Variants in RPL3L observed in about 807,000 individuals in gnomAD.
RPL3L encodes ribosomal protein uL3-like.
RPL3L carries 44 observed loss-of-function variants against 44.5 expected under a neutral mutation model. The observed-to-expected ratio is 0.99, with a 90% CI of 0.78 to 1.27. The LOEUF is 1.27. RPL3L is among the 50% of genes most tolerant of loss of function. RPL3L has a pLI of 0.00. For missense variants in RPL3L, 631 were observed against 569.1 expected, an observed-to-expected ratio of 1.11 and a Z score of -1.11; for synonymous variants, 292 against 230.7, an observed-to-expected ratio of 1.27 and a Z score of -2.41.
At chr16:1,952,826 C>G (rs759754016) in intron 3 of RPL3L, 48 bp downstream of exon 3, 1 of 1,604,346 alleles carries the variant, frequency 6.2e-7, no homozygotes, top group Non-Finnish European at 8.5e-7. Context: ...CACCCAACTT[C>G]TGTGGTCCCA....
At position 1,947,096 on chromosome 16, in the gene RPL3L, C is replaced by T. The variant is rs1157241329; in HGVS notation, c.691G>A (p.Val231Ile). ...AVTKGRGVKG[V>I]TSRWHTKKLP... ...TTCTTGGTATGCCAGCGGCTTGTGA[C>T]CCCTGTGAGTGAGAGGGGCTGGTGG... Residue 231 changes from valine (V) to isoleucine (I), a missense_variant and splice_region_variant, in exon 6 of 10, where the codon GTC becomes ATC. Val to Ile is a conservative substitution (Grantham distance 29). Coordinates refer to ENST00000268661, the MANE Select transcript of RPL3L (RefSeq NM_005061.3). 1.2e-6 allele frequency: 2 copies of T among 1,613,530 alleles called. No homozygotes were observed.
At chr16:1,951,097 C>T in intron 3 of RPL3L, 118 bp from the exon 4 acceptor site, 1 of 1,386,840 alleles carries the variant, frequency 7.2e-7, no homozygotes, top group South Asian at 1.4e-5. Context: ...GGGACCGCCC[C>T]CCACCCGGAG....
At chr16:1,948,142 T>C (rs981295607) in intron 4 of RPL3L, among the ~76,000 whole-genome samples, 1 of 151,936 alleles carries the variant, frequency 6.6e-6, no homozygotes, top group African/African-American at 2.4e-5. Context: ...TTTCACTGTG[T>C]TGGCCCGGAT....
In RPL3L at chr16:1,945,945, G is replaced by A; in HGVS notation, c.952-15C>T. On this transcript the variant is annotated splice_polypyrimidine_tract_variant and intron_variant, in intron 7 of 9. Transcript: ENST00000268661. ...GGGAAGCCACCCTGCAGAGGACACA[G>A]GTCAGAGGCCAGGCCCGGAAAGGGC... The A allele has an allele frequency of 4.4e-6, 7 of 1,597,964 alleles. No homozygotes were observed. Among genetic ancestry groups the A allele is most frequent in the Non-Finnish European group, 6.0e-6 (7 of 1,171,150 alleles).
rs759126428 is a variant in RPL3L, at chr16:1,944,855, C to T, written c.1206G>A (p.Glu402=). Residue 402 remains glutamate (E), a synonymous_variant, in exon 10 of 10, where the codon GAG becomes GAA. Transcript: ENST00000268661. ...QKKHLEKETP[E]TSGDL is the part of the protein sequence containing the mutation. ...ACACAGCCTACAAGTCTCCCGAGGT[C>T]TCCGGCGTTTCCTTCTCCAGATGCT... The T allele has an allele frequency of 2.5e-6, 4 of 1,614,088 alleles. No homozygotes were observed. The South Asian group carries it at 4.4e-5, about 18-fold the overall frequency.
intron 2 of RPL3L, 148 bp from the exon 3 acceptor site, chr16:1,953,190 G>A (rs1035333822): frequency 9.4e-6 from 7 of 741,436 alleles, no homozygotes; most frequent in South Asian, 2.0e-5. Flanking sequence ...GAGCCCAAAT[G>A]AGCATTTGTT....
chr16:1,952,651 C>G (rs1306212861), intron 3 of RPL3L, among the ~76,000 whole-genome samples: 8 of 152,212 alleles, frequency 5.3e-5, no homozygotes, highest in Admixed American at 5.2e-4. Flanking sequence ...GCTGGGATTA[C>G]AGGCGTGAGC....
In RPL3L at chr16:1,944,766, C is replaced by T. The variant is rs376711712; in HGVS notation, c.*71G>A. On this transcript the variant is annotated 3_prime_UTR_variant, in exon 10 of 10. Transcript: ENST00000268661. ...CGCTCTGAGACCTCGCAGGAAGAGT[C>T]GCCTCCGGCCTTTGTTAGACATTGG... The T allele has an allele frequency of 8.9e-5, 142 of 1,602,166 alleles. 1 individual carries two copies. In the African/African-American group the frequency reaches 1.3e-3, roughly 15 times the overall value.
chr16:1,950,761 T>G, intron 4 of RPL3L, 83 bp downstream of exon 4: 3 of 1,602,336 alleles, frequency 1.9e-6, no homozygotes, highest in Non-Finnish European at 8.5e-7. Flanking sequence ...ATTTTTAGGC[T>G]GACATTTGCC....
At chr16:1,946,812 C>G in intron 6 of RPL3L, 86 bp from the exon 7 acceptor site, 2 of 1,581,000 alleles carry the variant, frequency 1.3e-6, no homozygotes. Flanking sequence ...CATGCTCAGA[C>G]TCAGTGCTGG....
At chr16:1,945,370 T>TAAAAAAAAAAAAAAA (rs35978219) in intron 9 of RPL3L, 129 bp downstream of exon 9, 1 of 689,436 alleles carries the variant, frequency 1.5e-6, no homozygotes, top group Admixed American at 3.9e-5. Flanking sequence ...ATAAAATAAA[T>TAAAAAAAAAAAAAAA]AAAAAAAAAA....
In RPL3L at chr16:1,944,767, G is replaced by A. The variant is rs1170531641; in HGVS notation, c.*70C>T. ...GCTCTGAGACCTCGCAGGAAGAGTC[G>A]CCTCCGGCCTTTGTTAGACATTGGG... is the stretch of plus-strand genomic sequence containing the variant. On this transcript the variant is annotated 3_prime_UTR_variant, in exon 10 of 10. Coordinates refer to ENST00000268661, the MANE Select transcript of RPL3L (RefSeq NM_005061.3). 2.0e-5 allele frequency: 32 copies of A among 1,601,398 alleles called. No individual in the cohort carries two copies. Among genetic ancestry groups the A allele is most frequent in the African/African-American group, 8.0e-5 (6 of 74,626 alleles).
intron 4 of RPL3L, among the ~76,000 whole-genome samples, chr16:1,948,321 T>A (rs952413368): frequency 6.6e-6 from 1 of 151,900 alleles, no homozygotes; most frequent in Non-Finnish European, 1.5e-5. Context: ...CCTCCCTGAA[T>A]CAAGTGATTC....
chr16:1,947,104 A>G lies in RPL3L; in HGVS notation c.689-6T>C. ...ATGCCAGCGGCTTGTGACCCCTGTG[A>G]GTGAGAGGGGCTGGTGGCTGAGAGG... On this transcript the variant is annotated splice_polypyrimidine_tract_variant and splice_region_variant and intron_variant, in intron 5 of 9. Coordinates refer to ENST00000268661, the MANE Select transcript of RPL3L (RefSeq NM_005061.3). The G allele has an allele frequency of 1.2e-6, 2 of 1,613,342 alleles. No individual in the cohort carries two copies. Among genetic ancestry groups the G allele is most frequent in the Non-Finnish European group, 1.7e-6 (2 of 1,179,932 alleles).
At chr16:1,947,554 A>G (rs933808970) in intron 4 of RPL3L, among the ~76,000 whole-genome samples, 174 bp from the exon 5 acceptor site, 1 of 152,226 alleles carries the variant, frequency 6.6e-6, no homozygotes, top group Non-Finnish European at 1.5e-5. Flanking sequence ...TCCGGTGCAG[A>G]ATGAGGCAGA....
At chr16:1,947,729 A>G (rs2083134927) in intron 4 of RPL3L, among the ~76,000 whole-genome samples, 1 of 152,144 alleles carries the variant, frequency 6.6e-6, no homozygotes, top group South Asian at 2.1e-4. Context: ...GCTAACAAGT[A>G]GGAGCCACGA....
At chr16:1,952,129 AT>A (rs547211544) in intron 3 of RPL3L, among the ~76,000 whole-genome samples, 74 of 141,866 alleles carry the variant, frequency 5.2e-4, no homozygotes, top group African/African-American at 6.7e-4. Context: ...TTTTATTTTT[AT>A]TTTTTTTTTT....
rs1332927269 is a variant in RPL3L, at chr16:1,944,543, CAA to C, written c.*292_*293del. The C allele has an allele frequency of 0.023, 2,531 of 109,596 alleles. 3 individuals are homozygous for C. The highest frequency in any genetic ancestry group is 0.045 in the South Asian group (306 of 6,784). 6.8% of individuals were successfully genotyped at this position (109,596 alleles called of 1,614,324 possible). A position where few individuals can be genotyped will look rare whatever the true frequency, so the allele number is the denominator to read the frequency against. On this transcript the variant is annotated 3_prime_UTR_variant, in exon 10 of 10. Transcript: ENST00000268661. ...CTGGGCGACAAGATCAAGACTCTCT[CAA>C]AAAAAAAAAAAAAAAAAACCTCTGC... is the stretch of plus-strand genomic sequence containing the variant.
In RPL3L at chr16:1,949,244, G is replaced by GT. The variant is rs1425634978; in HGVS notation, c.501+1599dup. Among the ~76,000 whole-genome samples, 743 of 81,764 alleles carry GT rather than the reference G, an allele frequency of 9.1e-3. 2 individuals carry two copies. The highest frequency in any genetic ancestry group is 0.012 in the Non-Finnish European group (460 of 37,784). The allele number at this position is 81,764 out of a possible 152,430, so 53.6% of individuals were successfully genotyped here. A position where few individuals can be genotyped will look rare whatever the true frequency, so the allele number is the denominator to read the frequency against. Reference sequence around the variant, plus strand: ...GTGTAAGCCACTGGGCCTGATTTTTGTTTTTTTTTTTTTTCTTTTTTTTTT... The same window carrying GT: ...GTGTAAGCCACTGGGCCTGATTTTTGTTTTTTTTTTTTTTTCTTTTTTTTTT... On this transcript the variant is annotated intron_variant, in intron 4 of 9. Transcript: ENST00000268661.
Sources: allele counts gnomAD v4.1 joint callset (sites outside exome capture counted in the v4.1 genomes callset), GRCh38; gene constraint gnomAD v4.1.1; transcripts MANE v1.5; gene names NCBI Gene and HGNC (gene_info 2026-07-23, HGNC 2026-07-21).